Variants in CAPS2 observed in about 807,000 individuals in gnomAD.
The protein encoded by CAPS2 is calcyphosin-2.
A neutral mutation model predicts 86.5 loss-of-function variants in CAPS2; 98 were observed. The ratio of observed to expected loss-of-function variants is 1.13; its 90% CI spans 0.96 to 1.34. The LOEUF (loss-of-function observed/expected upper bound fraction) is 1.34, where lower values mean the gene tolerates loss of function less well. CAPS2 is among the 40% of genes most tolerant of loss of function. The probability of loss-of-function intolerance (pLI) is 0.00; values close to 1 mark genes in which losing one functional copy is unlikely to be tolerated. For missense variants in CAPS2, 729 were observed against 686.8 expected, an observed-to-expected ratio of 1.06 and a Z score of -0.69; for synonymous variants, 210 against 225.1, an observed-to-expected ratio of 0.93 and a Z score of 0.60.
upstream of CAPS2, among the ~76,000 whole-genome samples, chr12:75,331,567 C>CT (rs560437167): frequency 0.052 from 7,542 of 146,268 alleles, 215 homozygotes; most frequent in African/African-American, 0.059. Context: ...CTAAATTTAA[C>CT]TTTTTTTTTT....
At chr12:75,319,519 T>C (rs2040103838) in intron 5 of CAPS2, among the ~76,000 whole-genome samples, 1 of 152,192 alleles carries the variant, frequency 6.6e-6, no homozygotes, top group Non-Finnish European at 1.5e-5. Context: ...TCTTCAACTT[T>C]CTAGCCAACA....
chr12:75,296,021 G>C (rs2036813345), intron 11 of CAPS2, among the ~76,000 whole-genome samples: 1 of 152,212 alleles, frequency 6.6e-6, no homozygotes, highest in Non-Finnish European at 1.5e-5. Context: ...GGAGAACTAT[G>C]AGTGATAAAG....
chr12:75,377,699 C>T lies in CAPS2; in HGVS notation c.-395+13139G>A, dbSNP rs551214725. Among the ~76,000 whole-genome samples the T allele has an allele frequency of 4.6e-5, 7 of 152,182 alleles. No individual in the cohort carries two copies. In the East Asian group the frequency reaches 1.4e-3, roughly 29 times the overall value. On this transcript the variant is annotated intron_variant, in intron 1 of 5. Transcript: ENST00000551829. ...GGCAGCTGACTGGATGGTACCTACC[C>T]ACATTGAGGGTGGGTCTGCCTCTCC...
chr12:75,354,910 G>A (rs776269386), intron 1 of CAPS2, among the ~76,000 whole-genome samples: 13 of 152,196 alleles, frequency 8.5e-5, no homozygotes, highest in Non-Finnish European at 1.3e-4. Context: ...ATGGTGCTGG[G>A]AGAACAGGCT....
At chr12:75,279,346 T>A (rs1462132322) in intron 16 of CAPS2, among the ~76,000 whole-genome samples, 1 of 151,826 alleles carries the variant, frequency 6.6e-6, no homozygotes, top group Non-Finnish European at 1.5e-5. Context: ...AACAGAGGAA[T>A]TGAAAGATGA....
Position 75,357,409 on chromosome 12 carries a change from A to T in CAPS2, c.-395+33429T>A, listed in dbSNP as rs146032455. ...TGTAAAGAGAATTAGATAAATCCAT[A>T]ATTAACATTAGGTATTTCAATTATC... On this transcript the variant is annotated intron_variant, in intron 1 of 5. Coordinates refer to the CAPS2 transcript ENST00000551829. Among the ~76,000 whole-genome samples the T allele has an allele frequency of 4.1e-3, 627 of 152,272 alleles. 3 individuals are homozygous for T. Among genetic ancestry groups the T allele is most frequent in the African/African-American group, 0.014 (602 of 41,566 alleles).
upstream of CAPS2, among the ~76,000 whole-genome samples, chr12:75,332,128 T>C (rs940448260): frequency 2.6e-5 from 4 of 152,196 alleles, no homozygotes; most frequent in Non-Finnish European, 5.9e-5. Flanking sequence ...TAATCTTGGA[T>C]TATGTTTGAC....
At chr12:75,366,941 C>A (rs753397003) in intron 1 of CAPS2, 2 of 701,728 alleles carry the variant, frequency 2.9e-6, no homozygotes, top group Non-Finnish European at 5.2e-6. Flanking sequence ...CATTCCCACT[C>A]AGTCCCCAGT....
chr12:75,308,439 G>C (rs1289216944), intron 7 of CAPS2, among the ~76,000 whole-genome samples: 2 of 152,164 alleles, frequency 1.3e-5, no homozygotes, highest in African/African-American at 2.4e-5. Flanking sequence ...ACTTGCGTGG[G>C]CTGCTCCCAC....
At chr12:75,304,851 T>C (rs2038253735) in exon 8 of CAPS2, 1 of 1,612,100 alleles carries the variant, frequency 6.2e-7, no homozygotes, top group Non-Finnish European at 8.5e-7. Flanking sequence ...ATGGCTAAAT[T>C]TTGCTCTGGA....
chr12:75,375,131 C>T (rs570151585), intron 1 of CAPS2, among the ~76,000 whole-genome samples: 1 of 152,224 alleles, frequency 6.6e-6, no homozygotes, highest in Admixed American at 6.5e-5. Context: ...ACCACAATAG[C>T]CCTCACCCTA....
At chr12:75,305,840 A>G in intron 7 of CAPS2, 1 of 751,518 alleles carries the variant, frequency 1.3e-6, no homozygotes, top group Non-Finnish European at 2.5e-6. Flanking sequence ...CACCAGCCTC[A>G]TCCTCGCCCA....
intron 1 of CAPS2, among the ~76,000 whole-genome samples, chr12:75,386,440 G>A (rs550832746): frequency 1.3e-5 from 2 of 152,168 alleles, no homozygotes; most frequent in Non-Finnish European, 2.9e-5. Flanking sequence ...AGTTCACAGA[G>A]GAAGAGAGTG....
chr12:75,347,589 C>A, intron 1 of CAPS2: 2 of 1,389,726 alleles, frequency 1.4e-6, no homozygotes, highest in Non-Finnish European at 2.0e-6. Flanking sequence ...AATTGTTTTC[C>A]ATATTTTATC....
rs149449446 is a variant in CAPS2 at position 75,375,244 on chromosome 12, C to T, written c.-395+15594G>A. 2.3e-3 allele frequency among the ~76,000 whole-genome samples: 356 copies of T among 152,232 alleles called. 1 individual carries two copies. Among genetic ancestry groups the T allele is most frequent in the African/African-American group, 7.8e-3 (326 of 41,530 alleles). ...AATGACCACAAGATTCATCCAGGGA[C>T]CCACTGGCCCCACTGTGAGTCAGAA... is the stretch of plus-strand genomic sequence containing the variant. On this transcript the variant is annotated intron_variant, in intron 1 of 5. Transcript: ENST00000551829.
rs546111597 is a variant in CAPS2, at chr12:75,293,741, T to C, written c.1045-374A>G. On this transcript the variant is annotated intron_variant, in intron 11 of 16. Transcript: ENST00000393284. ...ACTGAAGAACTGTGAAGATTTCTCA[T>C]ACTCTTTCACAGCTGAACTTTTGAT... Among the ~76,000 whole-genome samples the C allele has an allele frequency of 1.4e-4, 21 of 152,340 alleles. 1 individual carries two copies. The highest frequency in any genetic ancestry group is 6.8e-3 in the Middle Eastern group (2 of 294).
chr12:75,359,357 C>CTTTTTTTGTT (rs2043399402), intron 1 of CAPS2, among the ~76,000 whole-genome samples: 1 of 28,600 alleles, frequency 3.5e-5, no homozygotes. Flanking sequence ...GCATTGTTGT[C>CTTTTTTTGTT]TTTTTTTTTT....
chr12:75,318,479 C>T (rs1438555534), intron 5 of CAPS2, among the ~76,000 whole-genome samples: 2 of 152,226 alleles, frequency 1.3e-5, no homozygotes, highest in East Asian at 1.9e-4. Context: ...CCCTTTAACT[C>T]TCTTACCAAC....
chr12:75,335,300 C>G (rs1235608752), intron 1 of CAPS2, among the ~76,000 whole-genome samples: 4 of 152,060 alleles, frequency 2.6e-5, no homozygotes, highest in African/African-American at 9.7e-5. Flanking sequence ...CTCTTGTTCT[C>G]TTACTTATTT....
Sources: allele counts gnomAD v4.1 joint callset (sites outside exome capture counted in the v4.1 genomes callset), GRCh38; gene constraint gnomAD v4.1.1; transcripts MANE v1.5; gene names NCBI Gene and HGNC (gene_info 2026-07-23, HGNC 2026-07-21).